Variants in PDE4DIP observed in about 807,000 individuals in gnomAD.
PDE4DIP encodes the protein phosphodiesterase 4D interacting protein.
A neutral mutation model predicts 221.4 loss-of-function variants in PDE4DIP; 59 were observed. That is an observed-to-expected ratio of 0.27 (90% CI 0.22 to 0.33). The LOEUF (loss-of-function observed/expected upper bound fraction) is 0.33, where lower values mean the gene tolerates loss of function less well. PDE4DIP is among the 10% of genes least tolerant of loss of function. PDE4DIP has a pLI of 1.00. For missense variants in PDE4DIP, 1,036 were observed against 2,154.2 expected, an observed-to-expected ratio of 0.48 and a Z score of 10.28; for synonymous variants, 404 against 815.9, an observed-to-expected ratio of 0.50 and a Z score of 8.60.
At chr1:148,979,782 A>T in exon 20 of PDE4DIP, 1 of 1,613,678 alleles carries the variant, frequency 6.2e-7, no homozygotes, top group Non-Finnish European at 8.5e-7. Context: ...GAGTCGGCTC[A>T]ATGAGGCCTT....
In PDE4DIP at chr1:148,892,823, T is replaced by C. The variant is rs12141789; in HGVS notation, c.141+2929T>C. On this transcript the variant is annotated intron_variant, in intron 1 of 43. Transcript: ENST00000369354. ...CATTATCAATCATTCAGAGTTGAAA[T>C]TAGTTTACCACACTATGTCATGATG... is the stretch of plus-strand genomic sequence containing the variant. Among the ~76,000 whole-genome samples the C allele has an allele frequency of 5.0e-4, 49 of 98,866 alleles. 1 individual carries two copies. Among genetic ancestry groups the C allele is most frequent in the African/African-American group, 1.1e-3 (25 of 21,886 alleles). 64.9% of individuals were successfully genotyped at this position (98,866 alleles called of 152,430 possible).
intron 20 of PDE4DIP, 88 bp from the exon 24 acceptor site, chr1:148,981,182 G>A: frequency 8.3e-7 from 1 of 1,206,310 alleles, no homozygotes; most frequent in Admixed American, 1.7e-5. Flanking sequence ...GTGGCTCAAA[G>A]TGGTATTGAT....
At chr1:148,972,715 G>A in intron 16 of PDE4DIP, 123 bp downstream of exon 19, 1 of 524,242 alleles carries the variant, frequency 1.9e-6, no homozygotes, top group Non-Finnish European at 3.4e-6. Flanking sequence ...GAACAAATAA[G>A]TTTGGAATTC....
At chr1:148,979,596 A>G (rs1257222671) in intron 19 of PDE4DIP, 141 bp from the exon 23 acceptor site, 1 of 635,234 alleles carries the variant, frequency 1.6e-6, no homozygotes, top group African/African-American at 1.8e-5. Flanking sequence ...ATTGATTTGA[A>G]AACTATAAAA....
intron 32 of PDE4DIP, among the ~76,000 whole-genome samples, chr1:149,013,569 C>T (rs1306869784): frequency 1.4e-5 from 1 of 69,614 alleles, no homozygotes; most frequent in Non-Finnish European, 2.8e-5. Flanking sequence ...TTCATAGCAC[C>T]TTAGGCACAA....
intron 1 of PDE4DIP, among the ~76,000 whole-genome samples, chr1:148,859,624 A>G (rs1683149559): frequency 6.6e-6 from 1 of 150,756 alleles, no homozygotes; most frequent in African/African-American, 2.5e-5. Flanking sequence ...GAAATGCAGG[A>G]GAGCTAAAAG....
intron 20 of PDE4DIP, among the ~76,000 whole-genome samples, 193 bp from the exon 24 acceptor site, chr1:148,981,077 C>G (rs587722294): frequency 6.7e-6 from 1 of 149,056 alleles, no homozygotes; most frequent in East Asian, 2.0e-4. Context: ...AAAAAAGCAA[C>G]AGTCCTTACT....
chr1:148,960,065 C>T (rs1261692607), intron 5 of PDE4DIP, among the ~76,000 whole-genome samples: 1 of 152,250 alleles, frequency 6.6e-6, no homozygotes, highest in African/African-American at 2.4e-5. Flanking sequence ...ACTCCTTTAC[C>T]CTAAATACTT....
chr1:148,855,894 C>G (rs369231005), intron 1 of PDE4DIP, among the ~76,000 whole-genome samples: 48 of 146,522 alleles, frequency 3.3e-4, no homozygotes, highest in African/African-American at 1.0e-3. Context: ...AGTCTCAGAG[C>G]TTGTTCACTA....
At chr1:148,819,881 CTTTT>C (rs1250133334) in intron 1 of PDE4DIP, among the ~76,000 whole-genome samples, 2 of 42,210 alleles carry the variant, frequency 4.7e-5, no homozygotes, top group Non-Finnish European at 8.1e-5. Flanking sequence ...TATCTTTCTT[CTTTT>C]ATTTAACTTA....
chr1:148,822,833 C>T lies in PDE4DIP; in HGVS notation c.233+14096C>T, dbSNP rs1282876476. Among the ~76,000 whole-genome samples the T allele has an allele frequency of 5.6e-5, 5 of 89,510 alleles. No homozygotes were observed. In the East Asian group the frequency reaches 1.1e-3, roughly 19 times the overall value. The allele number at this position is 89,510 out of a possible 152,430, so 58.7% of individuals were successfully genotyped here. A position where few individuals can be genotyped will look rare whatever the true frequency, so the allele number is the denominator to read the frequency against. The stretch of plus-strand genomic sequence containing the variant: ...TATCGAGTAAATGATAAATGCTAGG[C>T]CCGATCTTAAACATTTCATAAGAAT... On this transcript the variant is annotated intron_variant, in intron 1 of 45. Transcript: ENST00000524974.
At chr1:148,948,430 C>A (rs2052329403) in intron 5 of PDE4DIP, among the ~76,000 whole-genome samples, 1 of 150,044 alleles carries the variant, frequency 6.7e-6, no homozygotes. Flanking sequence ...CGAGATTGTG[C>A]CACTGCACTC....
At chr1:149,023,737 C>G (rs1226790427) in intron 37 of PDE4DIP, among the ~76,000 whole-genome samples, 1 of 91,454 alleles carries the variant, frequency 1.1e-5, no homozygotes, top group Non-Finnish European at 2.3e-5. Context: ...TATATATGTA[C>G]ATGTATATGT....
At chr1:148,975,394 G>C (rs2059971839) in intron 17 of PDE4DIP, among the ~76,000 whole-genome samples, 1 of 147,638 alleles carries the variant, frequency 6.8e-6, no homozygotes, top group Non-Finnish European at 1.5e-5. Flanking sequence ...CAAAGTAAGT[G>C]GTGTCGGCCC....
chr1:148,927,054 G>T (rs3927880), intron 1 of PDE4DIP, among the ~76,000 whole-genome samples: 1 of 148,882 alleles, frequency 6.7e-6, no homozygotes, highest in East Asian at 1.9e-4. Flanking sequence ...TAGCGTTTAA[G>T]TTATGTCTCA....
chr1:148,969,856 A>G (rs1456550116), intron 14 of PDE4DIP, among the ~76,000 whole-genome samples: 2 of 151,734 alleles, frequency 1.3e-5, no homozygotes, highest in Admixed American at 6.6e-5. Flanking sequence ...ACAGGCATGC[A>G]CCACCATGCC....
intron 12 of PDE4DIP, among the ~76,000 whole-genome samples, chr1:148,967,510 T>C (rs2058404664): frequency 6.6e-6 from 1 of 152,258 alleles, no homozygotes; most frequent in African/African-American, 2.4e-5. Context: ...TACTTCCTTT[T>C]ATCATATATT....
intron 37 of PDE4DIP, among the ~76,000 whole-genome samples, chr1:149,022,081 A>G (rs1243872472): frequency 6.6e-6 from 1 of 150,468 alleles, no homozygotes; most frequent in Non-Finnish European, 1.5e-5. Context: ...ACAGGCAGCC[A>G]TTCATGGACA....
exon 42 of PDE4DIP, chr1:149,029,871 C>G (rs782537337): frequency 6.2e-7 from 1 of 1,605,316 alleles, no homozygotes; most frequent in Non-Finnish European, 8.5e-7. Flanking sequence ...AACTGAGCAT[C>G]TGAAGAACGC....
Sources: gnomAD v4.1 joint callset for allele counts (sites outside exome capture counted in the v4.1 genomes callset) on GRCh38, gnomAD v4.1.1 for gene constraint, MANE v1.5 for transcripts, NCBI Gene and HGNC (gene_info 2026-07-23, HGNC 2026-07-21) for gene names.